PIAS2: variants seen among roughly 807,000 people sequenced by gnomAD.
PIAS2 encodes protein inhibitor of activated STAT 2, also known as E3 SUMO-protein ligase PIAS2.
In PIAS2, 19 loss-of-function variants were observed where a neutral mutation model predicts 69.7. The observed-to-expected ratio is 0.27, with a 90% confidence interval of 0.19 to 0.40. The LOEUF (loss-of-function observed/expected upper bound fraction) is 0.40. Ranked by LOEUF, PIAS2 falls within the 10% of genes least tolerant of loss-of-function variation. The probability of loss-of-function intolerance (pLI) is 1.00; values close to 1 mark genes in which losing one functional copy is unlikely to be tolerated. For missense variants in PIAS2, 624 were observed against 757.0 expected (o/e 0.82, Z 2.06); for synonymous variants, 261 against 263.2 (o/e 0.99, Z 0.08).
intron 1 of PIAS2, among the ~76,000 whole-genome samples, chr18:46,913,678 C>G (rs1328751135): frequency 2.6e-5 from 4 of 152,044 alleles, no homozygotes; most frequent in African/African-American, 9.7e-5. Context: ...TGAATGACTG[C>G]CACCAGCAGA....
chr18:46,880,901 AC>A (rs763592934), intron 2 of PIAS2, among the ~76,000 whole-genome samples: 20 of 152,366 alleles, frequency 1.3e-4, no homozygotes, highest in Non-Finnish European at 2.6e-4. Flanking sequence ...TACAGTTTTC[AC>A]TGAACACTGC....
At chr18:46,846,934 G>A in intron 5 of PIAS2, 93 bp from the exon 6 acceptor site, 7 of 1,089,002 alleles carry the variant, frequency 6.4e-6, no homozygotes, top group Non-Finnish European at 6.1e-6. Context: ...CCCAATTTCA[G>A]TTACACTATT....
chr18:46,818,938 CAA>C (rs1227728340), intron 12 of PIAS2, among the ~76,000 whole-genome samples: 1 of 152,046 alleles, frequency 6.6e-6, no homozygotes, highest in Non-Finnish European at 1.5e-5. Flanking sequence ...GCATTTTTCT[CAA>C]GTTTGCACAT....
chr18:46,881,647 G>C (rs1483278274), intron 2 of PIAS2, among the ~76,000 whole-genome samples: 1 of 152,068 alleles, frequency 6.6e-6, no homozygotes, highest in Non-Finnish European at 1.5e-5. Context: ...CCATTCATTA[G>C]GCCAATGCAG....
At chr18:46,869,756 C>T (rs1568623347) in intron 2 of PIAS2, among the ~76,000 whole-genome samples, 1 of 152,168 alleles carries the variant, frequency 6.6e-6, no homozygotes, top group Non-Finnish European at 1.5e-5. Flanking sequence ...CTCATCCTCA[C>T]ACCCTCAGTT....
At chr18:46,900,915 G>A (rs776687924) in intron 1 of PIAS2, 13 of 270,852 alleles carry the variant, frequency 4.8e-5, no homozygotes, top group Non-Finnish European at 7.9e-5. Flanking sequence ...CGGAGGTTGC[G>A]GTGAGCCGAC....
chr18:46,920,089 A>G (rs955197144), upstream of PIAS2: 5 of 1,289,756 alleles, frequency 3.9e-6, no homozygotes, highest in Non-Finnish European at 5.1e-6. Flanking sequence ...GCTTCCCAGC[A>G]TTCATTCTGC....
chr18:46,876,715 G>A (rs77190254), intron 2 of PIAS2, among the ~76,000 whole-genome samples: 1 of 110,276 alleles, frequency 9.1e-6, no homozygotes, highest in Non-Finnish European at 1.9e-5. Context: ...TTTTTTTTTT[G>A]AGATGGAGTC....
chr18:46,898,743 C>G (rs1014181076), intron 1 of PIAS2, among the ~76,000 whole-genome samples: 3 of 152,094 alleles, frequency 2.0e-5, no homozygotes, highest in African/African-American at 7.2e-5. Context: ...CCTCTAATCT[C>G]AACACTTTGG....
intron 1 of PIAS2, among the ~76,000 whole-genome samples, chr18:46,897,653 G>A (rs1273763816): frequency 1.3e-5 from 2 of 151,976 alleles, no homozygotes; most frequent in Non-Finnish European, 2.9e-5. Flanking sequence ...ATGCTAGAAG[G>A]GCATTTGATA....
chr18:46,912,976 C>A (rs142910995), intron 1 of PIAS2, among the ~76,000 whole-genome samples: 2 of 152,310 alleles, frequency 1.3e-5, no homozygotes, highest in East Asian at 3.9e-4. Flanking sequence ...TGAGCCACTG[C>A]GCCCAGCCTA....
chr18:46,848,700 G>A (rs1426038235), intron 5 of PIAS2, among the ~76,000 whole-genome samples: 1 of 151,626 alleles, frequency 6.6e-6, no homozygotes, highest in Admixed American at 6.6e-5. Context: ...TTTGAGCAGG[G>A]GAATAAAAGA....
chr18:46,817,915 GCCT>G, intron 12 of PIAS2: 1 of 981,482 alleles, frequency 1.0e-6, no homozygotes, highest in Middle Eastern at 5.2e-4. Flanking sequence ...AAATTTTACT[GCCT>G]TGTTTCGTAA....
At chr18:46,904,754 CAA>C (rs767029961) in intron 1 of PIAS2, among the ~76,000 whole-genome samples, 3 of 104,884 alleles carry the variant, frequency 2.9e-5, no homozygotes, top group Admixed American at 1.1e-4. Context: ...CCATCCGTCT[CAA>C]AAAAAAAAAA....
chr18:46,904,862 T>C (rs2056389807), intron 1 of PIAS2, among the ~76,000 whole-genome samples: 1 of 152,040 alleles, frequency 6.6e-6, no homozygotes, highest in Non-Finnish European at 1.5e-5. Flanking sequence ...GGTGCTAAGA[T>C]TACAGGATTA....
At chr18:46,830,386 TAAACA>T (rs899848197) in intron 9 of PIAS2, among the ~76,000 whole-genome samples, 1 of 151,940 alleles carries the variant, frequency 6.6e-6, no homozygotes, top group African/African-American at 2.4e-5. Flanking sequence ...ACTTGGAAAC[TAAACA>T]AAAGAAACAT....
chr18:46,873,793 T>C (rs2050735041), intron 2 of PIAS2, among the ~76,000 whole-genome samples: 1 of 152,178 alleles, frequency 6.6e-6, no homozygotes. Flanking sequence ...ATCCTTCTTT[T>C]GAAAGCCGAG....
At chr18:46,870,786 A>G (rs1052052885) in intron 2 of PIAS2, among the ~76,000 whole-genome samples, 1 of 152,148 alleles carries the variant, frequency 6.6e-6, no homozygotes, top group Non-Finnish European at 1.5e-5. Flanking sequence ...GCATGATCCA[A>G]AGGGTTGCTA....
At chr18:46,896,751 T>C (rs1440692617) in intron 1 of PIAS2, among the ~76,000 whole-genome samples, 1 of 152,170 alleles carries the variant, frequency 6.6e-6, no homozygotes, top group Non-Finnish European at 1.5e-5. Flanking sequence ...TGTAACACAA[T>C]TTACAAACCA....
Sources: allele counts gnomAD v4.1 joint callset (sites outside exome capture counted in the v4.1 genomes callset), GRCh38; gene constraint gnomAD v4.1.1; transcripts MANE v1.5; gene names NCBI Gene and HGNC (gene_info 2026-07-23, HGNC 2026-07-21).